KLF12: variants seen among roughly 807,000 people sequenced by gnomAD.
KLF12 encodes Krueppel-like factor 12.
A neutral mutation model predicts 37.8 loss-of-function variants in KLF12; 9 were observed. The observed-to-expected ratio is 0.24, with a 90% CI of 0.14 to 0.42. The LOEUF is 0.42. KLF12 is among the 10% of genes least tolerant of loss of function. KLF12 has a pLI of 1.00. For missense variants in KLF12, 411 were observed against 516.0 expected, an observed-to-expected ratio of 0.80 and a Z score of 1.97; for synonymous variants, 208 against 202.1, an observed-to-expected ratio of 1.03 and a Z score of -0.25.
intron 4 of KLF12, among the ~76,000 whole-genome samples, chr13:73,837,279 T>C (rs1221923175): frequency 6.6e-6 from 1 of 152,192 alleles, no homozygotes; most frequent in Admixed American, 6.5e-5. Flanking sequence ...TACAGACAGC[T>C]TCTGTCTCCT....
chr13:73,822,434 T>C (rs1366961937), intron 4 of KLF12, among the ~76,000 whole-genome samples: 1 of 152,166 alleles, frequency 6.6e-6, no homozygotes, highest in East Asian at 1.9e-4. Flanking sequence ...AATTTCATCC[T>C]TCATCCTAGT....
At chr13:74,062,465 A>C (rs1319914939) in intron 1 of KLF12, among the ~76,000 whole-genome samples, 1 of 151,664 alleles carries the variant, frequency 6.6e-6, no homozygotes, top group Non-Finnish European at 1.5e-5. Flanking sequence ...TCTCTTAAGC[A>C]TCTTTAGTGA....
intron 1 of KLF12, among the ~76,000 whole-genome samples, chr13:74,003,250 G>A (rs908383362): frequency 1.3e-5 from 2 of 152,152 alleles, no homozygotes; most frequent in African/African-American, 2.4e-5. Context: ...GCTGAGTCTT[G>A]AAAAATGGGG....
chr13:74,048,501 A>G (rs1893606275), intron 1 of KLF12, among the ~76,000 whole-genome samples: 1 of 152,206 alleles, frequency 6.6e-6, no homozygotes, highest in African/African-American at 2.4e-5. Flanking sequence ...CCATACAGCA[A>G]TGACACATAC....
chr13:73,710,397 T>C (rs1454810372), intron 7 of KLF12, among the ~76,000 whole-genome samples: 1 of 151,624 alleles, frequency 6.6e-6, no homozygotes, highest in Admixed American at 6.6e-5. Flanking sequence ...TGTGTGTGTG[T>C]GTGTGTGTGT....
At chr13:73,866,860 T>C (rs1346946814) in intron 3 of KLF12, among the ~76,000 whole-genome samples, 1 of 150,320 alleles carries the variant, frequency 6.7e-6, no homozygotes, top group African/African-American at 2.5e-5. Context: ...TAATTATATT[T>C]TGAGGTTTAA....
chr13:74,268,019 G>A, the KLF12 span, among the ~76,000 whole-genome samples: 1 of 152,154 alleles, frequency 6.6e-6, no homozygotes, highest in Non-Finnish European at 1.5e-5. Flanking sequence ...TTCTCCTAGA[G>A]TCTTCAGGAG....
At chr13:74,257,994 T>G in the KLF12 span, 2 of 152,320 alleles carry the variant, frequency 1.3e-5, no homozygotes, top group South Asian at 4.1e-4. Context: ...AGGGAACTGC[T>G]TCTCCTATAC....
chr13:74,127,796 T>C lies in KLF12; in HGVS notation c.-32+5943A>G, dbSNP rs182792181. Among the ~76,000 whole-genome samples, 672 of 152,328 alleles carry C rather than the reference T, an allele frequency of 4.4e-3. 1 individual carries two copies. The highest frequency in any genetic ancestry group is 7.1e-3 in the Non-Finnish European group (485 of 68,028). ...TGTATAATGTTAGTTAAGAATAACA[T>C]ATAGCATGTTGCAACAATGTTTGAG... On this transcript the variant is annotated intron_variant, in intron 1 of 7. Coordinates refer to ENST00000377669, the MANE Select transcript of KLF12 (RefSeq NM_007249.5).
intron 1 of KLF12, among the ~76,000 whole-genome samples, chr13:74,065,187 C>A (rs1023812081): frequency 1.4e-5 from 2 of 140,236 alleles, no homozygotes; most frequent in South Asian, 4.8e-4. Flanking sequence ...GTATATTACT[C>A]TGTATCTGAT....
chr13:73,851,762 T>C (rs1885346388), intron 3 of KLF12, among the ~76,000 whole-genome samples: 1 of 152,174 alleles, frequency 6.6e-6, no homozygotes, highest in Admixed American at 6.5e-5. Context: ...TTATAGGAAG[T>C]GCTTAAAGAA....
At chr13:73,893,806 A>G (rs547994046) in intron 3 of KLF12, among the ~76,000 whole-genome samples, 2 of 152,298 alleles carry the variant, frequency 1.3e-5, no homozygotes, top group East Asian at 3.9e-4. Context: ...CTGGGTAGGT[A>G]AGTAGAGGAA....
intron 3 of KLF12, among the ~76,000 whole-genome samples, chr13:73,860,676 C>T (rs1023631567): frequency 3.9e-5 from 6 of 151,996 alleles, no homozygotes; most frequent in East Asian, 1.9e-4. Flanking sequence ...CCCAGAAAAT[C>T]GAGGCTGCAC....
intron 3 of KLF12, among the ~76,000 whole-genome samples, chr13:73,868,570 T>C (rs964004050): frequency 4.0e-5 from 6 of 151,852 alleles, no homozygotes; most frequent in Admixed American, 3.3e-4. Context: ...TTTGTATTTT[T>C]AGTAGAGATG....
At chr13:73,980,950 A>G (rs922861560) in intron 2 of KLF12, among the ~76,000 whole-genome samples, 1 of 152,148 alleles carries the variant, frequency 6.6e-6, no homozygotes, top group African/African-American at 2.4e-5. Flanking sequence ...ACTTGAGGCC[A>G]GAAGTTCGAA....
chr13:74,075,392 C>T (rs1328027067), intron 1 of KLF12, among the ~76,000 whole-genome samples: 1 of 152,176 alleles, frequency 6.6e-6, no homozygotes, highest in Non-Finnish European at 1.5e-5. Flanking sequence ...AAAGCAATGG[C>T]TCTCAATCCT....
intron 1 of KLF12, among the ~76,000 whole-genome samples, chr13:74,070,843 T>C (rs1874190834): frequency 6.6e-6 from 1 of 152,030 alleles, no homozygotes; most frequent in African/African-American, 2.4e-5. Flanking sequence ...AAGTAAAAGA[T>C]ATTTCATGAG....
intron 3 of KLF12, among the ~76,000 whole-genome samples, chr13:73,874,430 T>G (rs1169027855): frequency 1.3e-5 from 2 of 152,212 alleles, no homozygotes; most frequent in East Asian, 3.8e-4. Flanking sequence ...TAGTGACTCT[T>G]ACTAGCAGCC....
intron 2 of KLF12, among the ~76,000 whole-genome samples, chr13:73,980,920 G>C (rs991099725): frequency 2.0e-5 from 3 of 152,170 alleles, no homozygotes; most frequent in Admixed American, 1.3e-4. Context: ...AGCACTCTGA[G>C]AGGCCAAGAC....
Sources: gnomAD v4.1 joint callset for allele counts (sites outside exome capture counted in the v4.1 genomes callset) on GRCh38, gnomAD v4.1.1 for gene constraint, MANE v1.5 for transcripts, NCBI Gene and HGNC (gene_info 2026-07-23, HGNC 2026-07-21) for gene names.